Variants in SLC8A2 observed in about 807,000 individuals in gnomAD.
The protein encoded by SLC8A2 is sodium/calcium exchanger 2.
In SLC8A2, 14 loss-of-function variants were observed where a neutral mutation model predicts 70.2. The ratio of observed to expected loss-of-function variants is 0.20; its 90% CI spans 0.13 to 0.31. The LOEUF (loss-of-function observed/expected upper bound fraction) is 0.31. Ranked by LOEUF, SLC8A2 falls within the 10% of genes least tolerant of loss-of-function variation. The pLI is 1.00. For synonymous variants in SLC8A2, 575 were observed against 594.3 expected (o/e 0.97, Z 0.47); for missense variants, 779 against 1,320.1 (o/e 0.59, Z 6.35).
At chr19:47,451,112 G>A (rs192892807) in intron 3 of SLC8A2, among the ~76,000 whole-genome samples, 5 of 148,752 alleles carry the variant, frequency 3.4e-5, no homozygotes, top group Admixed American at 2.7e-4. Context: ...GGGTTCAGGC[G>A]ATTCTTCTGC....
intron 2 of SLC8A2, among the ~76,000 whole-genome samples, chr19:47,459,676 T>G (rs1305021523): frequency 6.7e-6 from 1 of 150,108 alleles, no homozygotes; most frequent in Non-Finnish European, 1.5e-5. Context: ...TGTGTGCATG[T>G]GTGTGTGTGC....
At chr19:47,469,657 C>G (rs1360662249) in intron 1 of SLC8A2, among the ~76,000 whole-genome samples, 1 of 152,170 alleles carries the variant, frequency 6.6e-6, no homozygotes, top group Non-Finnish European at 1.5e-5. Flanking sequence ...AATGAATGAC[C>G]AAGAGGTCTG....
chr19:47,462,794 G>A (rs185728072), intron 2 of SLC8A2, among the ~76,000 whole-genome samples: 74 of 151,876 alleles, frequency 4.9e-4, no homozygotes, highest in African/African-American at 1.7e-3. Context: ...CACCATGTCG[G>A]TCAGGCTGGT....
chr19:47,457,746 T>TTTTTTTTC (rs765600225), intron 2 of SLC8A2, 152 bp from the exon 3 acceptor site: 16 of 379,704 alleles, frequency 4.2e-5, no homozygotes, highest in South Asian at 9.5e-5. Flanking sequence ...TTTCTGTTTC[T>TTTTTTTTC]TTTCTTTCTT....
intron 2 of SLC8A2, among the ~76,000 whole-genome samples, chr19:47,459,708 T>C (rs560528985): frequency 7.0e-4 from 105 of 150,634 alleles, no homozygotes; most frequent in African/African-American, 2.2e-3. Flanking sequence ...CTTCTGTGTG[T>C]GCGCGCATGT....
chr19:47,442,768 C>T (rs1967114433), intron 4 of SLC8A2, among the ~76,000 whole-genome samples: 1 of 152,166 alleles, frequency 6.6e-6, no homozygotes, highest in African/African-American at 2.4e-5. Context: ...AATGCAGCCT[C>T]AAAGTCCTGG....
chr19:47,449,654 C>T (rs1967211842), intron 3 of SLC8A2, among the ~76,000 whole-genome samples: 1 of 152,140 alleles, frequency 6.6e-6, no homozygotes, highest in Admixed American at 6.6e-5. Context: ...AGGGAACAGG[C>T]AATGTGAATG....
In SLC8A2 at chr19:47,441,412, C is replaced by A; in HGVS notation, c.1792G>T (p.Asp598Tyr). ...TTATCCTTTTTCTCATATTCCTCGT[C>A]ATCAACTATCTTCACCTGAAGAGTT... is the stretch of plus-strand genomic sequence containing the variant. ...MKTLQVKIVD[D>Y]EEYEKKDNFF... Residue 598 changes from aspartate to tyrosine, a missense_variant, in exon 5 of 10, where the codon GAC becomes TAC. Transcript: ENST00000236877. 6.2e-7 allele frequency: 1 copy of A among 1,613,392 alleles called. No individual in the cohort carries two copies.
At chr19:47,449,845 T>TGAAGACTTCTG (rs1405917482) in intron 3 of SLC8A2, among the ~76,000 whole-genome samples, 1 of 151,696 alleles carries the variant, frequency 6.6e-6, no homozygotes, top group Non-Finnish European at 1.5e-5. Flanking sequence ...TGGGCCACGG[T>TGAAGACTTCTG]GAAGACTTCT....
intron 1 of SLC8A2, among the ~76,000 whole-genome samples, chr19:47,471,054 G>C (rs932682744): frequency 2.6e-5 from 4 of 151,792 alleles, no homozygotes; most frequent in African/African-American, 9.7e-5. Flanking sequence ...GGGAGAGCCA[G>C]AGAAGAGGAA....
Position 47,432,670 on chromosome 19 carries a change from C to T in SLC8A2, c.2111-225G>A, listed in dbSNP as rs1966980252. ...GCCCAGGTGAAAAATATTTACTTTC[C>T]CAGAATCCTTTGGATCTAAATATGG... On this transcript the variant is annotated intron_variant, in intron 8 of 9. Coordinates refer to ENST00000236877, the MANE Select transcript of SLC8A2 (RefSeq NM_015063.3). The surrounding 1 kb of genome is among the most constrained non-coding windows in gnomAD (Gnocchi z 6.2). The T allele has an allele frequency of 1.5e-5, 7 of 478,760 alleles. No individual in the cohort carries two copies. Among genetic ancestry groups the T allele is most frequent in the Middle Eastern group, 4.7e-4 (1 of 2,144 alleles). 29.7% of individuals were successfully genotyped at this position (478,760 alleles called of 1,614,324 possible).
chr19:47,431,148 C>G (rs962607556), intron 9 of SLC8A2, among the ~76,000 whole-genome samples: 17 of 151,846 alleles, frequency 1.1e-4, no homozygotes, highest in African/African-American at 4.1e-4. Flanking sequence ...CCCACCTCAG[C>G]CTCCCGAGCA....
At chr19:47,438,555 G>A (rs1348493752) in intron 6 of SLC8A2, among the ~76,000 whole-genome samples, 1 of 151,856 alleles carries the variant, frequency 6.6e-6, no homozygotes, top group African/African-American at 2.4e-5. Context: ...CTACATCCTG[G>A]TCCTGAGCTC....
intron 8 of SLC8A2, among the ~76,000 whole-genome samples, chr19:47,433,491 T>C (rs1384027929): frequency 6.6e-6 from 1 of 152,226 alleles, no homozygotes; most frequent in Non-Finnish European, 1.5e-5. Flanking sequence ...TCTGACCCAG[T>C]CTGCCAATGA....
intron 4 of SLC8A2, 63 bp from the exon 5 acceptor site, chr19:47,441,503 G>A: frequency 1.0e-6 from 1 of 974,704 alleles, no homozygotes; most frequent in Non-Finnish European, 1.6e-6. Flanking sequence ...AGACTCACCA[G>A]GCAACCCTCC....
At chr19:47,445,269 T>C (rs561034429) in intron 4 of SLC8A2, among the ~76,000 whole-genome samples, 4 of 152,266 alleles carry the variant, frequency 2.6e-5, no homozygotes, top group South Asian at 2.1e-4. Context: ...CCACCAGGCC[T>C]GGCTAATTTT....
rs2248270 is a variant in SLC8A2, at chr19:47,459,981, G to A, written c.676-2387C>T. On this transcript the variant is annotated intron_variant, in intron 2 of 9. Transcript: ENST00000236877. ...CAGCTGCTGTCAAGGGACAGAGCCT[G>A]TGTGTCTTCTGGCCTCTCTCTCCCT... is the stretch of plus-strand genomic sequence containing the variant. 1.6e-3 allele frequency among the ~76,000 whole-genome samples: 241 copies of A among 151,890 alleles called. 5 individuals are homozygous for A. In the East Asian group the frequency reaches 0.041, roughly 26 times the overall value.
At chr19:47,433,388 T>C (rs530168316) in intron 8 of SLC8A2, among the ~76,000 whole-genome samples, 1 of 151,858 alleles carries the variant, frequency 6.6e-6, no homozygotes, top group South Asian at 2.1e-4. Flanking sequence ...GATAAAAATA[T>C]GGTATTCACT....
chr19:47,436,777 G>A (rs969108582), intron 8 of SLC8A2, among the ~76,000 whole-genome samples: 8 of 152,114 alleles, frequency 5.3e-5, no homozygotes, highest in African/African-American at 1.9e-4. Flanking sequence ...AAGACCGTCA[G>A]TGGGTACAAG....
Sources: gnomAD v4.1 joint callset for allele counts (sites outside exome capture counted in the v4.1 genomes callset) on GRCh38, gnomAD v4.1.1 for gene constraint, Gnocchi (gnomAD v3.1) non-coding constraint, MANE v1.5 for transcripts, NCBI Gene and HGNC (gene_info 2026-07-23, HGNC 2026-07-21) for gene names.